ALPK2: variants seen among roughly 807,000 people sequenced by gnomAD.
ALPK2 encodes the protein alpha kinase 2.
Under a neutral mutation model 163.1 loss-of-function variants are expected in ALPK2, and 127 were observed. The ratio of observed to expected loss-of-function variants is 0.78; its 90% CI spans 0.67 to 0.90. The LOEUF (loss-of-function observed/expected upper bound fraction) is 0.90, where lower values mean the gene tolerates loss of function less well. ALPK2 is among the 40% of genes least tolerant of loss of function. The pLI, the probability that ALPK2 is intolerant of heterozygous loss-of-function variation, is 0.00. For synonymous variants in ALPK2, 953 were observed against 959.1 expected (o/e 0.99, Z 0.12); for missense variants, 2,360 against 2,589.6 (o/e 0.91, Z 1.92).
rs147290810 is a variant in ALPK2, at chr18:58,536,454, C to A, written c.3733G>T (p.Ala1245Ser). The A allele has an allele frequency of 6.2e-7, 1 of 1,614,096 alleles. No individual in the cohort carries two copies. Among genetic ancestry groups the A allele is most frequent in the Non-Finnish European group, 8.5e-7 (1 of 1,180,026 alleles). ...KLKIITLEAS[A>S]SEIWPPRQLT... ...TGTCGTGGTGGCCAGATTTCAGAAG[C>A]GGAAGCCTCTAGAGTTATAATCTTC... Residue 1245 changes from alanine to serine, a missense_variant, in exon 5 of 13, where the codon GCT (alanine) becomes TCT (serine). Coordinates refer to ENST00000361673, the MANE Select transcript of ALPK2 (RefSeq NM_052947.4).
At chr18:58,538,385 A>T in intron 4 of ALPK2, 161 bp from the exon 5 acceptor site, 3 of 692,906 alleles carry the variant, frequency 4.3e-6, no homozygotes, top group Non-Finnish European at 6.7e-6. Flanking sequence ...GCTATTAGAG[A>T]TTTCCTAGAA....
chr18:58,494,466 A>C (rs1190704324), intron 12 of ALPK2, among the ~76,000 whole-genome samples: 1 of 152,202 alleles, frequency 6.6e-6, no homozygotes, highest in African/African-American at 2.4e-5. Context: ...TACTCCTGAA[A>C]TAGGATCATA....
intron 4 of ALPK2, among the ~76,000 whole-genome samples, chr18:58,541,286 G>C (rs1019795016): frequency 2.0e-5 from 3 of 152,248 alleles, no homozygotes; most frequent in African/African-American, 7.2e-5. Context: ...CCAAGAGCGA[G>C]CAAGGGGGAG....
At chr18:58,563,959 G>A (rs967039596) in intron 4 of ALPK2, among the ~76,000 whole-genome samples, 2 of 152,084 alleles carry the variant, frequency 1.3e-5, no homozygotes, top group African/African-American at 4.8e-5. Flanking sequence ...TGCCAGCAGT[G>A]TAAGAGAAAA....
At chr18:58,498,120 TG>T (rs2051410587) in intron 11 of ALPK2, 23 bp from the exon 12 acceptor site, 2 of 1,613,752 alleles carry the variant, frequency 1.2e-6, no homozygotes, top group African/African-American at 2.7e-5. Context: ...AAAGCAAAGA[TG>T]GGAGTTTGTG....
In ALPK2 at chr18:58,481,563, C is replaced by G. The variant is rs906350575; in HGVS notation, c.*260G>C. 3 of 490,362 alleles carry G rather than the reference C, an allele frequency of 6.1e-6. No individual in the cohort carries two copies. Among genetic ancestry groups the G allele is most frequent in the Admixed American group, 7.1e-5 (2 of 28,128 alleles). 30.4% of individuals were successfully genotyped at this position (490,362 alleles called of 1,614,324 possible). ...ATGTGAGGTTGGTAAAAATGCTAAA[C>G]ATGTATATAAAGAATGGACTGTCTT... On this transcript the variant is annotated 3_prime_UTR_variant, in exon 13 of 13. Coordinates refer to ENST00000361673, the MANE Select transcript of ALPK2 (RefSeq NM_052947.4).
Position 58,503,913 on chromosome 18 carries a change from C to T in ALPK2, c.6247+18G>A, listed in dbSNP as rs200247911. ...GCCCACAGCATCCCTGGAGCCTGGG[C>T]TAAGCTGCTTTCCTCACCTTGCATG... is the stretch of plus-strand genomic sequence containing the variant. On this transcript the variant is annotated intron_variant, in intron 11 of 12. Transcript: ENST00000361673. The T allele has an allele frequency of 1.8e-5, 29 of 1,605,084 alleles. No homozygotes were observed. The Admixed American group carries it at 4.9e-4, about 27-fold the overall frequency.
At chr18:58,524,804 T>C (rs930009848) in intron 6 of ALPK2, among the ~76,000 whole-genome samples, 3 of 152,180 alleles carry the variant, frequency 2.0e-5, no homozygotes, top group Admixed American at 2.0e-4. Context: ...AACTGAGGCA[T>C]AGAAAAATTT....
chr18:58,627,412 GGAGTTCAA>G (rs1460824507), intron 1 of ALPK2, among the ~76,000 whole-genome samples: 5 of 152,190 alleles, frequency 3.3e-5, no homozygotes, highest in Admixed American at 6.5e-5. Context: ...CCTGAGGTCA[GGAGTTCAA>G]GACCAGCCTG....
At chr18:58,538,773 G>A (rs1007815734) in intron 4 of ALPK2, among the ~76,000 whole-genome samples, 5 of 152,184 alleles carry the variant, frequency 3.3e-5, no homozygotes, top group African/African-American at 1.2e-4. Context: ...AATGGGAAGT[G>A]TTTGGGTTAT....
intron 4 of ALPK2, among the ~76,000 whole-genome samples, chr18:58,550,517 C>A (rs1228304482): frequency 6.9e-5 from 6 of 87,268 alleles, no homozygotes; most frequent in African/African-American, 2.4e-4. Context: ...CAACCCCATC[C>A]CCATCTCCAT....
At chr18:58,582,472 C>CA (rs764428188) in intron 3 of ALPK2, among the ~76,000 whole-genome samples, 14 of 150,618 alleles carry the variant, frequency 9.3e-5, no homozygotes, top group Non-Finnish European at 1.6e-4. Flanking sequence ...TCATCACTGT[C>CA]AATCAGGCTT....
intron 4 of ALPK2, among the ~76,000 whole-genome samples, chr18:58,567,231 A>G (rs971616355): frequency 6.6e-6 from 1 of 151,934 alleles, no homozygotes; most frequent in Non-Finnish European, 1.5e-5. Flanking sequence ...ACTTAAAAAA[A>G]AAAAAGGCCG....
intron 4 of ALPK2, among the ~76,000 whole-genome samples, chr18:58,574,834 C>T (rs1478821520): frequency 6.6e-6 from 1 of 152,078 alleles, no homozygotes; most frequent in Non-Finnish European, 1.5e-5. Flanking sequence ...GAGAGTTGGC[C>T]TCAGCATCTT....
chr18:58,573,704 T>A (rs2051903795), intron 4 of ALPK2, among the ~76,000 whole-genome samples: 1 of 143,628 alleles, frequency 7.0e-6, no homozygotes, highest in African/African-American at 2.6e-5. Context: ...AGGATAATAG[T>A]GGAGAGAAGG....
At chr18:58,483,836 A>T (rs1259784855) in intron 12 of ALPK2, among the ~76,000 whole-genome samples, 1 of 151,118 alleles carries the variant, frequency 6.6e-6, no homozygotes, top group East Asian at 1.9e-4. Context: ...AAGTGCTGGG[A>T]TTACAAACAT....
At chr18:58,504,219 T>A in intron 10 of ALPK2, 71 bp from the exon 11 acceptor site, 1 of 1,316,740 alleles carries the variant, frequency 7.6e-7, no homozygotes, top group Admixed American at 1.7e-5. Flanking sequence ...GGCATTCTAC[T>A]CTCTCCTGGA....
intron 4 of ALPK2, among the ~76,000 whole-genome samples, chr18:58,573,613 C>CTTTTTTTGTTTTTTTT (rs2051902528): frequency 1.9e-5 from 1 of 51,730 alleles, no homozygotes; most frequent in Non-Finnish European, 3.2e-5. Context: ...TTTTTGTCTT[C>CTTTTTTTGTTTTTTTT]TTTTTTTTTT....
intron 3 of ALPK2, among the ~76,000 whole-genome samples, chr18:58,591,507 G>C (rs1046830466): frequency 1.3e-5 from 2 of 152,156 alleles, no homozygotes; most frequent in Non-Finnish European, 2.9e-5. Context: ...ATTAACAAGC[G>C]TGCCAGTTAT....
Sources: gnomAD v4.1 joint callset for allele counts (sites outside exome capture counted in the v4.1 genomes callset) on GRCh38, gnomAD v4.1.1 for gene constraint, MANE v1.5 for transcripts, NCBI Gene and HGNC (gene_info 2026-07-23, HGNC 2026-07-21) for gene names.